HERC4: variants seen among roughly 807,000 people sequenced by gnomAD.
HERC4 encodes probable E3 ubiquitin-protein ligase HERC4.
In HERC4, 28 loss-of-function variants were observed where a neutral mutation model predicts 124.3. The ratio of observed to expected loss-of-function variants is 0.23; its 90% confidence interval spans 0.17 to 0.31. HERC4 has a LOEUF of 0.31. Ranked by LOEUF, HERC4 falls within the 10% of genes least tolerant of loss-of-function variation. The pLI is 1.00. For synonymous variants in HERC4, 407 were observed against 421.5 expected (o/e 0.97, Z 0.42); for missense variants, 713 against 1,229.3 (o/e 0.58, Z 6.28).
At chr10:67,943,719 C>T (rs1287442456) in intron 19 of HERC4, among the ~76,000 whole-genome samples, 2 of 152,168 alleles carry the variant, frequency 1.3e-5, no homozygotes, top group Non-Finnish European at 1.5e-5. Context: ...CAAGGAGAAT[C>T]CTAGCTTCCC....
intron 15 of HERC4, among the ~76,000 whole-genome samples, chr10:67,968,872 T>C (rs894319902): frequency 6.6e-6 from 1 of 152,074 alleles, no homozygotes; most frequent in Non-Finnish European, 1.5e-5. Context: ...CATTAACTGA[T>C]AGAAAAAAAT....
intron 9 of HERC4, among the ~76,000 whole-genome samples, chr10:68,005,882 T>C (rs2037515580): frequency 6.6e-6 from 1 of 152,068 alleles, no homozygotes; most frequent in South Asian, 2.1e-4. Flanking sequence ...TTATTTTTTA[T>C]ATAAATGGGG....
chr10:67,956,924 T>A lies in HERC4; in HGVS notation c.1979A>T (p.Gln660Leu). The A allele has an allele frequency of 1.9e-6, 3 of 1,604,036 alleles. No individual in the cohort carries two copies. Among genetic ancestry groups the A allele is most frequent in the Non-Finnish European group, 2.6e-6 (3 of 1,176,412 alleles). ...ICTYPFVFDAQAKTTLLQTDA... is the reference protein window; with the variant it reads ...ICTYPFVFDALAKTTLLQTDA... ...GGTCTGTAACAGAGTAGTTTTTGCT[T>A]GGGCATCAAATACAAATGGATATGT... is the stretch of plus-strand genomic sequence containing the variant. The change falls in exon 17 of 25, where the codon CAA (glutamine) becomes CTA (leucine). Residue 660 changes from glutamine to leucine, a missense_variant. Physicochemically the swap from Gln to Leu is moderately radical, Grantham distance 113. Coordinates refer to ENST00000373700, the MANE Select transcript of HERC4 (RefSeq NM_015601.4).
chr10:68,072,338 T>C (rs1157150362), intron 3 of HERC4, among the ~76,000 whole-genome samples: 3 of 152,104 alleles, frequency 2.0e-5, no homozygotes, highest in African/African-American at 4.8e-5. Context: ...AAATCTTTAA[T>C]AGCTAGCAAT....
At chr10:67,923,422 C>T (rs2030461211) in intron 24 of HERC4, among the ~76,000 whole-genome samples, 1 of 152,116 alleles carries the variant, frequency 6.6e-6, no homozygotes, top group Non-Finnish European at 1.5e-5. Flanking sequence ...ATTTTGAGAG[C>T]CCTTTTTTGG....
At chr10:67,927,279 T>C (rs2031093625) in intron 23 of HERC4, among the ~76,000 whole-genome samples, 1 of 151,178 alleles carries the variant, frequency 6.6e-6, no homozygotes, top group South Asian at 2.1e-4. Context: ...ACACATGTCC[T>C]GATTAAGAAA....
chr10:67,982,463 T>G (rs2035988033), intron 15 of HERC4, among the ~76,000 whole-genome samples: 1 of 143,872 alleles, frequency 7.0e-6, no homozygotes, highest in African/African-American at 2.6e-5. Flanking sequence ...TCTTACTATA[T>G]ATAAAAATCA....
intron 8 of HERC4, among the ~76,000 whole-genome samples, chr10:68,022,540 T>TAAATAAAA (rs1332896812): frequency 6.7e-6 from 1 of 148,374 alleles, no homozygotes; most frequent in Non-Finnish European, 1.5e-5. Context: ...AATAAATAAA[T>TAAATAAAA]AAAATTCAAA....
At chr10:68,039,287 G>A (rs139249115) in intron 4 of HERC4, 7 of 1,214,024 alleles carry the variant, frequency 5.8e-6, no homozygotes, top group Middle Eastern at 2.7e-4. Context: ...TCGCACTCCA[G>A]AATGGGCGAT....
intron 9 of HERC4, among the ~76,000 whole-genome samples, chr10:68,002,451 A>G (rs923709099): frequency 3.9e-5 from 6 of 152,220 alleles, no homozygotes; most frequent in Non-Finnish European, 7.3e-5. Flanking sequence ...CAGCATTCAA[A>G]TATTTCCAAC....
chr10:68,003,221 C>T (rs2132965144), intron 9 of HERC4, among the ~76,000 whole-genome samples: 1 of 151,648 alleles, frequency 6.6e-6, no homozygotes, highest in Admixed American at 6.6e-5. Flanking sequence ...CAGTGGCTCA[C>T]TTGGCTCACT....
chr10:67,992,379 A>C, intron 10 of HERC4, 56 bp from the exon 11 acceptor site: 1 of 1,571,876 alleles, frequency 6.4e-7, no homozygotes, highest in Non-Finnish European at 8.6e-7. Flanking sequence ...TAACTCAAAA[A>C]CCAAGAAATT....
At chr10:67,985,798 T>C (rs1251939527) in intron 15 of HERC4, among the ~76,000 whole-genome samples, 2 of 152,204 alleles carry the variant, frequency 1.3e-5, no homozygotes, top group Non-Finnish European at 2.9e-5. Flanking sequence ...GAAAACAATT[T>C]TTAATTCAAA....
chr10:67,926,867 A>G (rs2031040898), intron 23 of HERC4, among the ~76,000 whole-genome samples: 1 of 152,212 alleles, frequency 6.6e-6, no homozygotes. Context: ...AAAACTGTGT[A>G]TTAAACATTT....
chr10:68,020,581 A>T (rs542151955), intron 8 of HERC4, among the ~76,000 whole-genome samples: 9 of 152,138 alleles, frequency 5.9e-5, no homozygotes, highest in Non-Finnish European at 1.2e-4. Context: ...CCCGGCTAAA[A>T]AAACGGTGAA....
intron 15 of HERC4, among the ~76,000 whole-genome samples, chr10:67,984,202 C>G (rs1462414019): frequency 6.6e-6 from 1 of 150,892 alleles, no homozygotes; most frequent in Admixed American, 6.6e-5. Context: ...ACTCGGGAGG[C>G]TGAGGCAGAG....
chr10:68,036,159 A>G (rs1048769710), intron 5 of HERC4, among the ~76,000 whole-genome samples: 2 of 151,854 alleles, frequency 1.3e-5, no homozygotes, highest in African/African-American at 4.8e-5. Flanking sequence ...CTAAAAAAAA[A>G]CGCAAAAAAT....
In HERC4 at chr10:68,033,951, T is replaced by C; in HGVS notation, c.685+14A>G. Reference sequence around the variant, plus strand: ...TCAAAAAGTACACTTAAACTATACATAATGAGAACCTACCATTTTCATCAT... The same window carrying C: ...TCAAAAAGTACACTTAAACTATACACAATGAGAACCTACCATTTTCATCAT... On this transcript the variant is annotated intron_variant, in intron 6 of 24. Transcript: ENST00000373700. 6.2e-7 allele frequency: 1 copy of C among 1,606,712 alleles called. No individual in the cohort carries two copies. Among genetic ancestry groups the C allele is most frequent in the Non-Finnish European group, 8.5e-7 (1 of 1,173,482 alleles).
At chr10:67,996,478 A>C (rs772390297) in intron 9 of HERC4, among the ~76,000 whole-genome samples, 30 of 152,146 alleles carry the variant, frequency 2.0e-4, no homozygotes, top group Admixed American at 1.3e-4. Flanking sequence ...TTTAACATGG[A>C]AAATGAGTAG....
Sources: gnomAD v4.1 joint callset for allele counts (sites outside exome capture counted in the v4.1 genomes callset) on GRCh38, gnomAD v4.1.1 for gene constraint, MANE v1.5 for transcripts, NCBI Gene and HGNC (gene_info 2026-07-23, HGNC 2026-07-21) for gene names.